VPS54: variants seen among roughly 807,000 people sequenced by gnomAD.
The protein encoded by VPS54 is VPS54 subunit of GARP complex.
In VPS54, 45 loss-of-function variants were observed where a neutral mutation model predicts 121.5. That is an observed-to-expected ratio of 0.37 (90% CI 0.29 to 0.47). The LOEUF is 0.47. Ranked by LOEUF, VPS54 falls within the 20% of genes least tolerant of loss-of-function variation. The pLI, the probability that VPS54 is intolerant of heterozygous loss-of-function variation, is 0.99. For synonymous variants in VPS54, 371 were observed against 385.8 expected, an observed-to-expected ratio of 0.96 and a Z score of 0.45; for missense variants, 1,090 against 1,131.4, an observed-to-expected ratio of 0.96 and a Z score of 0.52.
chr2:63,894,940 G>T, intron 22 of VPS54, among the ~76,000 whole-genome samples: 1 of 152,164 alleles, frequency 6.6e-6, no homozygotes, highest in Admixed American at 6.5e-5. Flanking sequence ...CCTAAAGGCT[G>T]GGAGAAAAAG....
chr2:63,914,606 T>C (rs1673296214), intron 16 of VPS54, among the ~76,000 whole-genome samples: 1 of 152,128 alleles, frequency 6.6e-6, no homozygotes, highest in Non-Finnish European at 1.5e-5. Context: ...GGCATTCTTA[T>C]TAAGTAAGGG....
chr2:63,944,564 T>G, intron 10 of VPS54, 36 bp downstream of exon 10: 1 of 1,550,048 alleles, frequency 6.5e-7, no homozygotes, highest in Non-Finnish European at 8.9e-7. Context: ...ATCTTTTCTC[T>G]GACTGATAAC....
intron 1 of VPS54, among the ~76,000 whole-genome samples, chr2:64,017,264 T>G (rs941512621): frequency 6.7e-6 from 1 of 149,278 alleles, no homozygotes; most frequent in African/African-American, 2.5e-5. Flanking sequence ...TTGAAGCCGG[T>G]AGGCGGAGGT....
At chr2:64,005,957 G>T (rs1204836597) in intron 1 of VPS54, among the ~76,000 whole-genome samples, 1 of 151,960 alleles carries the variant, frequency 6.6e-6, no homozygotes, top group Non-Finnish European at 1.5e-5. Context: ...CATATATGAG[G>T]AAACAATGAG....
chr2:63,963,001 C>G (rs1057182684), intron 6 of VPS54, among the ~76,000 whole-genome samples: 5 of 152,054 alleles, frequency 3.3e-5, no homozygotes, highest in African/African-American at 4.8e-5. Flanking sequence ...AGTAGCAAAA[C>G]TAAAATGTTG....
At chr2:63,970,629 T>C (rs1490799635) in intron 4 of VPS54, among the ~76,000 whole-genome samples, 1 of 152,188 alleles carries the variant, frequency 6.6e-6, no homozygotes, top group Non-Finnish European at 1.5e-5. Context: ...TATCCCGAAC[T>C]ATTCTGACAT....
intron 11 of VPS54, among the ~76,000 whole-genome samples, chr2:63,939,153 C>T (rs1482886145): frequency 6.6e-6 from 1 of 152,040 alleles, no homozygotes; most frequent in Non-Finnish European, 1.5e-5. Context: ...GTGGGTGGAT[C>T]ACAAGGTCAG....
At chr2:63,914,101 G>A in intron 17 of VPS54, 81 bp downstream of exon 17, 1 of 1,205,886 alleles carries the variant, frequency 8.3e-7, no homozygotes, top group Non-Finnish European at 1.2e-6. Flanking sequence ...ACCTTGAAAT[G>A]TCTTTGAGTT....
At chr2:64,001,912 G>A (rs1324843327) in intron 1 of VPS54, among the ~76,000 whole-genome samples, 1 of 152,078 alleles carries the variant, frequency 6.6e-6, no homozygotes, top group Non-Finnish European at 1.5e-5. Flanking sequence ...CTGGTGCCGA[G>A]CCCAGTTCAG....
chr2:63,925,952 A>C (rs1190080768), intron 12 of VPS54, among the ~76,000 whole-genome samples: 1 of 152,208 alleles, frequency 6.6e-6, no homozygotes. Context: ...TAATTGCTAC[A>C]TTTTCCCATA....
Position 63,893,417 on chromosome 2 carries a change from T to C in VPS54, c.*13A>G. The C allele has an allele frequency of 6.2e-7, 1 of 1,609,078 alleles. No individual in the cohort carries two copies. The stretch of plus-strand genomic sequence containing the variant: ...CCATGGTCAGATGAACTACCCAGTT[T>C]TCCAGGATGACATCACCTCTTCTGC... On this transcript the variant is annotated 3_prime_UTR_variant, in exon 23 of 23. Transcript: ENST00000272322.
intron 20 of VPS54, among the ~76,000 whole-genome samples, chr2:63,905,969 A>T (rs1452798779): frequency 1.3e-5 from 2 of 152,224 alleles, no homozygotes; most frequent in Non-Finnish European, 2.9e-5. Flanking sequence ...AAAGTATTTG[A>T]CAAAATTCAA....
At position 63,906,922 on chromosome 2, in the gene VPS54, G is replaced by A. The variant is rs571381714; in HGVS notation, c.2625+5423C>T. ...ACAATTTTGAAAAAGAACAAAATTA[G>A]TGAGCTCACATTATCTTATTTCAAG... On this transcript the variant is annotated intron_variant, in intron 20 of 22. Coordinates refer to ENST00000272322, the MANE Select transcript of VPS54 (RefSeq NM_016516.3). Among the ~76,000 whole-genome samples, 41 of 152,318 alleles carry A rather than the reference G, an allele frequency of 2.7e-4. 2 individuals are homozygous for A. The South Asian group carries it at 8.3e-3, about 31-fold the overall frequency.
chr2:63,924,075 G>T (rs549821574), intron 12 of VPS54, among the ~76,000 whole-genome samples: 1 of 152,192 alleles, frequency 6.6e-6, no homozygotes, highest in Admixed American at 6.5e-5. Context: ...TGCAATTGGG[G>T]AAAGCCAGAG....
At chr2:64,000,716 T>C (rs2104673223) in intron 1 of VPS54, among the ~76,000 whole-genome samples, 1 of 152,346 alleles carries the variant, frequency 6.6e-6, no homozygotes, top group Middle Eastern at 3.4e-3. Flanking sequence ...TTCTCTTCCC[T>C]TACTTTCTCC....
intron 1 of VPS54, among the ~76,000 whole-genome samples, chr2:63,998,998 G>A (rs1220873939): frequency 6.6e-6 from 1 of 152,086 alleles, no homozygotes; most frequent in Non-Finnish European, 1.5e-5. Flanking sequence ...CCAGGCTGGA[G>A]TGCGGTGGCA....
chr2:63,958,338 C>T (rs949666303), intron 7 of VPS54, among the ~76,000 whole-genome samples: 5 of 152,022 alleles, frequency 3.3e-5, no homozygotes, highest in African/African-American at 1.2e-4. Context: ...AGAAGACACA[C>T]GTAAGCATTA....
chr2:64,008,234 G>A (rs1218116034), intron 1 of VPS54, among the ~76,000 whole-genome samples: 1 of 152,016 alleles, frequency 6.6e-6, no homozygotes, highest in Admixed American at 6.6e-5. Flanking sequence ...CCAACGTGGT[G>A]AAACCCCATC....
In VPS54 at chr2:63,981,805, G is replaced by A. The variant is rs192044445; in HGVS notation, c.219C>T (p.Leu73=). 1.2e-6 allele frequency: 2 copies of A among 1,613,734 alleles called. No individual in the cohort carries two copies. Among genetic ancestry groups the A allele is most frequent in the East Asian group, 2.2e-5 (1 of 44,810 alleles). ...RWTVYHSKVN[L]PAALNDPRLA... ...ATCTAGGATCGTTTAATGCTGCTGG[G>A]AGATTTACTTTGGAATGATATACAG... The change falls in exon 3 of 23, where the codon CTC becomes CTT. Residue 73 remains leucine, a synonymous_variant. Transcript: ENST00000272322.
Sources: allele counts gnomAD v4.1 joint callset (sites outside exome capture counted in the v4.1 genomes callset), GRCh38; gene constraint gnomAD v4.1.1; transcripts MANE v1.5; gene names NCBI Gene and HGNC (gene_info 2026-07-23, HGNC 2026-07-21).